LHFPL3: variants seen among roughly 807,000 people sequenced by gnomAD.
LHFPL3 encodes LHFPL tetraspan subfamily member 3, also known as LHFPL tetraspan subfamily member 3 protein.
Under a neutral mutation model 19.3 loss-of-function variants are expected in LHFPL3, and 5 were observed. That is an observed-to-expected ratio of 0.26 (90% CI 0.14 to 0.54). LHFPL3 has a LOEUF of 0.54. LHFPL3 is among the 20% of genes least tolerant of loss of function. LHFPL3 has a pLI of 0.94. For synonymous variants in LHFPL3, 133 were observed against 126.2 expected, an observed-to-expected ratio of 1.05 and a Z score of -0.36; for missense variants, 249 against 307.4, an observed-to-expected ratio of 0.81 and a Z score of 1.42.
intron 1 of LHFPL3, among the ~76,000 whole-genome samples, chr7:104,714,680 G>C (rs1199805367): frequency 6.6e-6 from 1 of 152,158 alleles, no homozygotes; most frequent in East Asian, 1.9e-4. Context: ...TGAAGATTTT[G>C]TTATCTGGAA....
At chr7:104,829,462 T>A (rs182842832) in intron 2 of LHFPL3, among the ~76,000 whole-genome samples, 4 of 151,854 alleles carry the variant, frequency 2.6e-5, no homozygotes, top group South Asian at 2.1e-4. Flanking sequence ...GTATATCTCC[T>A]AATGCTATCC....
At chr7:104,904,163 G>T (rs1392184176) in intron 2 of LHFPL3, among the ~76,000 whole-genome samples, 1 of 152,110 alleles carries the variant, frequency 6.6e-6, no homozygotes, top group Non-Finnish European at 1.5e-5. Flanking sequence ...CCTCTGTGTA[G>T]TCTGGGTATA....
Position 104,333,280 on chromosome 7 carries a change from A to G in LHFPL3, c.445+4056A>G, listed in dbSNP as rs1801604910. ...AAATCTTTAGTTTTCTTTTCTTTTTATAAGCTGAAGTATTCAGTGGAACTT... is the reference window on the plus strand; with the variant it reads ...AAATCTTTAGTTTTCTTTTCTTTTTGTAAGCTGAAGTATTCAGTGGAACTT... On this transcript the variant is annotated intron_variant, in intron 1 of 2. Transcript: ENST00000424859. Among the ~76,000 whole-genome samples the G allele has an allele frequency of 2.0e-5, 3 of 152,218 alleles. No individual in the cohort carries two copies. In the South Asian group the frequency reaches 6.2e-4, roughly 31 times the overall value.
chr7:104,848,861 A>C (rs935236204), intron 2 of LHFPL3, among the ~76,000 whole-genome samples: 1 of 152,024 alleles, frequency 6.6e-6, no homozygotes, highest in African/African-American at 2.4e-5. Flanking sequence ...CTAGTTAGCC[A>C]TGGTGATGAT....
chr7:104,717,802 G>T (rs1487501048), intron 1 of LHFPL3, among the ~76,000 whole-genome samples: 1 of 152,124 alleles, frequency 6.6e-6, no homozygotes, highest in Non-Finnish European at 1.5e-5. Flanking sequence ...CTACTTCTGA[G>T]TATTATTCCA....
At chr7:104,764,417 C>T (rs1332134765) in intron 2 of LHFPL3, among the ~76,000 whole-genome samples, 6 of 152,114 alleles carry the variant, frequency 3.9e-5, no homozygotes, top group African/African-American at 1.2e-4. Flanking sequence ...GTGATCCACC[C>T]GCCTTGGCCT....
Position 104,328,977 on chromosome 7 carries a change from C to T in LHFPL3, c.198C>T (p.Asp66=). ...IQPYWIGDGV[D]TPQAGYFGLF... is the part of the protein sequence containing the mutation. ...CCTACTGGATAGGCGACGGCGTGGA[C>T]ACCCCGCAAGCCGGCTATTTCGGGC... The change falls in exon 1 of 3, where the codon GAC becomes GAT. Residue 66 remains aspartate, a synonymous_variant. Coordinates refer to ENST00000424859, the MANE Select transcript of LHFPL3 (RefSeq NM_199000.3). This position sits in a 1 kb window ranked among gnomAD's most constrained non-coding sequence, Gnocchi z 4.6. 1 of 1,614,202 alleles carries T rather than the reference C, an allele frequency of 6.2e-7. No individual in the cohort carries two copies. Among genetic ancestry groups the T allele is most frequent in the Non-Finnish European group, 8.5e-7 (1 of 1,180,038 alleles).
chr7:104,655,418 A>G (rs140014065), intron 1 of LHFPL3, among the ~76,000 whole-genome samples: 7 of 152,368 alleles, frequency 4.6e-5, no homozygotes, highest in African/African-American at 1.4e-4. Flanking sequence ...TAACTTGGTC[A>G]TCCCAATAGT....
intron 1 of LHFPL3, among the ~76,000 whole-genome samples, chr7:104,447,945 T>C (rs1256492982): frequency 2.0e-5 from 3 of 152,162 alleles, no homozygotes; most frequent in Non-Finnish European, 4.4e-5. Context: ...GGGTCAAAAA[T>C]GATTAATGTT....
At chr7:104,558,845 T>A (rs1284470422) in intron 1 of LHFPL3, among the ~76,000 whole-genome samples, 1 of 144,722 alleles carries the variant, frequency 6.9e-6, no homozygotes, top group Non-Finnish European at 1.5e-5. Context: ...CCATCTTGAA[T>A]TGATTTTTGT....
chr7:104,609,412 G>T (rs1279510036), intron 1 of LHFPL3, among the ~76,000 whole-genome samples: 1 of 152,160 alleles, frequency 6.6e-6, no homozygotes, highest in East Asian at 1.9e-4. Context: ...CTGTGCCTGA[G>T]ATGTGTCTTG....
At chr7:104,570,771 T>C (rs1349587350) in intron 1 of LHFPL3, among the ~76,000 whole-genome samples, 1 of 152,178 alleles carries the variant, frequency 6.6e-6, no homozygotes, top group Non-Finnish European at 1.5e-5. Flanking sequence ...GTTGTACAGA[T>C]TATTTCATCA....
chr7:104,852,791 T>TGGGGCATG (rs1296685026), intron 2 of LHFPL3, among the ~76,000 whole-genome samples: 2 of 152,224 alleles, frequency 1.3e-5, no homozygotes, highest in African/African-American at 2.4e-5. Context: ...TACTGGAGCA[T>TGGGGCATG]GGGGCATGGG....
chr7:104,571,550 A>G (rs941259710), intron 1 of LHFPL3, among the ~76,000 whole-genome samples: 1 of 152,160 alleles, frequency 6.6e-6, no homozygotes. Flanking sequence ...TCTGGACACA[A>G]TACTGAAAAG....
At chr7:104,650,134 C>A (rs1792005308) in intron 1 of LHFPL3, among the ~76,000 whole-genome samples, 1 of 152,166 alleles carries the variant, frequency 6.6e-6, no homozygotes, top group South Asian at 2.1e-4. Flanking sequence ...CACAAGTCTG[C>A]AGTTGCTTGA....
intron 2 of LHFPL3, among the ~76,000 whole-genome samples, chr7:104,770,782 C>T (rs1794536832): frequency 6.6e-6 from 1 of 152,156 alleles, no homozygotes; most frequent in South Asian, 2.1e-4. Context: ...GATATGAAGC[C>T]TATTTTCCAC....
At chr7:104,792,511 A>T (rs559668378) in intron 2 of LHFPL3, among the ~76,000 whole-genome samples, 57 of 152,310 alleles carry the variant, frequency 3.7e-4, no homozygotes, top group African/African-American at 1.3e-3. Flanking sequence ...TGGCTCTTAC[A>T]GTTCCTCGAG....
chr7:104,537,438 TTTTG>T (rs1306435814), intron 1 of LHFPL3, among the ~76,000 whole-genome samples: 2 of 152,138 alleles, frequency 1.3e-5, no homozygotes, highest in Non-Finnish European at 2.9e-5. Flanking sequence ...TGGTTTTGTT[TTTTG>T]TTTGTTTGTT....
intron 1 of LHFPL3, among the ~76,000 whole-genome samples, chr7:104,559,499 A>C (rs6955927): frequency 0.027 from 4,082 of 149,920 alleles, 190 homozygotes; most frequent in African/African-American, 0.096. Flanking sequence ...GTTGGTGTAT[A>C]AGAATGCTTG....
Sources: allele counts gnomAD v4.1 joint callset (sites outside exome capture counted in the v4.1 genomes callset), GRCh38; gene constraint gnomAD v4.1.1; non-coding constraint Gnocchi (gnomAD v3.1); transcripts MANE v1.5; gene names NCBI Gene and HGNC (gene_info 2026-07-23, HGNC 2026-07-21).